The following EPHB1 variants were observed in gnomAD, a reference collection of about 807,000 sequenced individuals.
EPHB1 encodes EPH receptor B1, also known as ephrin type-B receptor 1.
In EPHB1, 30 loss-of-function variants were observed where a neutral mutation model predicts 94.4. The ratio of observed to expected loss-of-function variants is 0.32; its 90% CI spans 0.24 to 0.43. The LOEUF (loss-of-function observed/expected upper bound fraction) is 0.43. EPHB1 is among the 20% of genes least tolerant of loss of function. The probability of loss-of-function intolerance (pLI) is 1.00; values close to 1 mark genes in which losing one functional copy is unlikely to be tolerated. For synonymous variants in EPHB1, 522 were observed against 489.1 expected (o/e 1.07, Z -0.89); for missense variants, 1,055 against 1,308.3 (o/e 0.81, Z 2.99).
chr3:135,146,019 C>G (rs1184049552), intron 5 of EPHB1, among the ~76,000 whole-genome samples: 1 of 152,144 alleles, frequency 6.6e-6, no homozygotes, highest in African/African-American at 2.4e-5. Context: ...ATGGTCCTTG[C>G]CTAAAGACTT....
At chr3:135,235,663 C>T (rs1180741519) in intron 12 of EPHB1, among the ~76,000 whole-genome samples, 2 of 152,200 alleles carry the variant, frequency 1.3e-5, no homozygotes, top group Admixed American at 6.5e-5. Context: ...TTGGGAACCA[C>T]TGGGCTAGGC....
In EPHB1 at chr3:134,830,251, T is replaced by C. The variant is rs142719977; in HGVS notation, c.58+34562T>C. 3.3e-5 allele frequency among the ~76,000 whole-genome samples: 5 copies of C among 152,324 alleles called. 1 individual carries two copies. Among genetic ancestry groups the C allele is most frequent in the African/African-American group, 1.2e-4 (5 of 41,570 alleles). ...TTACTCCTAATTACTTCAGTGTCTG[T>C]TTCCTAAAAGCAGTAAAAACTCTTA... On this transcript the variant is annotated intron_variant, in intron 1 of 15. Coordinates refer to ENST00000398015, the MANE Select transcript of EPHB1 (RefSeq NM_004441.5).
chr3:135,116,418 C>A (rs1939713196), intron 4 of EPHB1, among the ~76,000 whole-genome samples: 1 of 152,116 alleles, frequency 6.6e-6, no homozygotes, highest in African/African-American at 2.4e-5. Context: ...CCCCAGATGG[C>A]CTTTTGGTCC....
At chr3:135,031,138 A>T (rs1486180005) in intron 3 of EPHB1, among the ~76,000 whole-genome samples, 1 of 152,092 alleles carries the variant, frequency 6.6e-6, no homozygotes, top group Non-Finnish European at 1.5e-5. Flanking sequence ...CTCCCTAGTG[A>T]GATGAACCCC....
At chr3:135,255,774 G>A (rs1339938001) in intron 15 of EPHB1, among the ~76,000 whole-genome samples, 1 of 147,234 alleles carries the variant, frequency 6.8e-6, no homozygotes, top group Non-Finnish European at 1.5e-5. Context: ...GGGTATCCTT[G>A]TTGACTTTCT....
intron 1 of EPHB1, among the ~76,000 whole-genome samples, chr3:134,815,523 G>A (rs530123029): frequency 1.3e-5 from 2 of 152,312 alleles, no homozygotes; most frequent in East Asian, 3.9e-4. Flanking sequence ...GTGAATCAGG[G>A]TAAAAGGAAT....
chr3:134,826,251 C>CAAAA lies in EPHB1; in HGVS notation c.58+30575_58+30578dup, dbSNP rs34084951. On this transcript the variant is annotated intron_variant, in intron 1 of 15. Transcript: ENST00000398015. The stretch of plus-strand genomic sequence containing the variant: ...TGGATGACAGAGTGAGACTCCATCT[C>CAAAA]AAAAAAAAAAAAAAAAGCAATTGAA... Among the ~76,000 whole-genome samples the CAAAA allele has an allele frequency of 1.4e-4, 17 of 119,012 alleles. 1 individual carries two copies. Among genetic ancestry groups the CAAAA allele is most frequent in the South Asian group, 3.5e-4 (1 of 2,830 alleles). 78.1% of individuals were successfully genotyped at this position (119,012 alleles called of 152,430 possible).
intron 3 of EPHB1, among the ~76,000 whole-genome samples, chr3:135,029,878 T>G (rs1936370524): frequency 6.6e-6 from 1 of 151,990 alleles, no homozygotes; most frequent in Admixed American, 6.6e-5. Context: ...AGGTAGATTT[T>G]GTCTTTTCAC....
chr3:134,988,771 T>A (rs1934693590), intron 3 of EPHB1, among the ~76,000 whole-genome samples: 1 of 152,240 alleles, frequency 6.6e-6, no homozygotes, highest in Admixed American at 6.5e-5. Flanking sequence ...TTGAATTTAT[T>A]TCTGTATACT....
chr3:134,924,926 G>A (rs2038760307), intron 1 of EPHB1, among the ~76,000 whole-genome samples: 1 of 152,214 alleles, frequency 6.6e-6, no homozygotes, highest in African/African-American at 2.4e-5. Context: ...GGAGCAGGAG[G>A]AAGAAAAGGA....
intron 1 of EPHB1, among the ~76,000 whole-genome samples, chr3:134,887,821 C>T (rs955267208): frequency 5.3e-5 from 8 of 152,200 alleles, no homozygotes; most frequent in Non-Finnish European, 2.9e-5. Flanking sequence ...AATCATCAAA[C>T]AGCTATCAAA....
chr3:134,915,490 G>A (rs1038548844), intron 1 of EPHB1, among the ~76,000 whole-genome samples: 1 of 152,186 alleles, frequency 6.6e-6, no homozygotes, highest in Non-Finnish European at 1.5e-5. Context: ...TTCAGAGGAA[G>A]TATGGCCCTG....
chr3:135,200,757 C>T (rs1942729636), intron 11 of EPHB1, among the ~76,000 whole-genome samples: 1 of 152,076 alleles, frequency 6.6e-6, no homozygotes, highest in Non-Finnish European at 1.5e-5. Flanking sequence ...TAAGAGTATG[C>T]ACTAAACATT....
chr3:134,879,046 A>G (rs1267837246), intron 1 of EPHB1, among the ~76,000 whole-genome samples: 1 of 152,218 alleles, frequency 6.6e-6, no homozygotes. Flanking sequence ...ATGCCACTCC[A>G]TGTGATCTTG....
At chr3:134,795,876 C>T (rs939545189) in intron 1 of EPHB1, among the ~76,000 whole-genome samples, 187 bp downstream of exon 1, 2 of 152,220 alleles carry the variant, frequency 1.3e-5, no homozygotes. Context: ...CCAGAGCGCC[C>T]CCGGCTGGCT....
At chr3:135,245,144 T>C (rs1197726050) in intron 13 of EPHB1, among the ~76,000 whole-genome samples, 1 of 152,220 alleles carries the variant, frequency 6.6e-6, no homozygotes, top group Non-Finnish European at 1.5e-5. Flanking sequence ...AGACATCTAC[T>C]AAAATAGACA....
intron 2 of EPHB1, among the ~76,000 whole-genome samples, chr3:134,950,192 A>G (rs1932964657): frequency 6.6e-6 from 1 of 152,222 alleles, no homozygotes. Context: ...CTTCTCTTTT[A>G]TTCCAATCTA....
chr3:134,897,100 T>C (rs1051245162), intron 1 of EPHB1, among the ~76,000 whole-genome samples: 2 of 152,228 alleles, frequency 1.3e-5, no homozygotes, highest in African/African-American at 2.4e-5. Flanking sequence ...CAATCAGAGT[T>C]AAGTCAGGGA....
intron 12 of EPHB1, among the ~76,000 whole-genome samples, chr3:135,220,867 C>G (rs1444222113): frequency 6.6e-6 from 1 of 152,200 alleles, no homozygotes; most frequent in African/African-American, 2.4e-5. Flanking sequence ...AGAATACCTG[C>G]CTTGTCTTCA....
Sources: gnomAD v4.1 joint callset for allele counts (sites outside exome capture counted in the v4.1 genomes callset) on GRCh38, gnomAD v4.1.1 for gene constraint, MANE v1.5 for transcripts, NCBI Gene and HGNC (gene_info 2026-07-23, HGNC 2026-07-21) for gene names.